Variants in TXK observed in about 807,000 individuals in gnomAD.
TXK encodes the protein tyrosine-protein kinase TXK.
A neutral mutation model predicts 81.0 loss-of-function variants in TXK; 60 were observed. That is an observed-to-expected ratio of 0.74 (90% CI 0.60 to 0.92). The LOEUF (loss-of-function observed/expected upper bound fraction) is 0.92, where lower values mean the gene tolerates loss of function less well. Among genes scored for constraint, TXK ranks in the 40% least tolerant of loss-of-function variants. TXK has a pLI of 0.00. For synonymous variants in TXK, 203 were observed against 210.7 expected (o/e 0.96, Z 0.32); for missense variants, 581 against 638.3 (o/e 0.91, Z 0.97).
intron 1 of TXK, among the ~76,000 whole-genome samples, chr4:48,122,648 C>T (rs892450761): frequency 1.3e-5 from 2 of 152,112 alleles, no homozygotes; most frequent in Non-Finnish European, 2.9e-5. Flanking sequence ...ATTATTATAT[C>T]CCAAGAAGCT....
intron 6 of TXK, among the ~76,000 whole-genome samples, chr4:48,102,670 T>C (rs1278251840): frequency 6.6e-6 from 1 of 152,236 alleles, no homozygotes; most frequent in East Asian, 1.9e-4. Context: ...GAAAATTCAT[T>C]GCAGCACTGT....
chr4:48,095,315 C>G (rs1717940865), intron 6 of TXK, 93 bp from the exon 7 acceptor site: 2 of 912,530 alleles, frequency 2.2e-6, no homozygotes, highest in Non-Finnish European at 3.4e-6. Flanking sequence ...TATTGACTTA[C>G]CATAAATAAG....
At chr4:48,086,420 C>T in intron 10 of TXK, 46 bp downstream of exon 10, 1 of 1,596,112 alleles carries the variant, frequency 6.3e-7, no homozygotes, top group Non-Finnish European at 8.6e-7. Flanking sequence ...GTTTCCATGA[C>T]ACCAGGGCAT....
At chr4:48,069,136 GA>G (rs974928132) in intron 14 of TXK, among the ~76,000 whole-genome samples, 1 of 151,980 alleles carries the variant, frequency 6.6e-6, no homozygotes, top group Admixed American at 6.6e-5. Context: ...CCCATCTCTA[GA>G]AAAAATTTTA....
rs1051133030 is a variant in TXK at position 48,122,898 on chromosome 4, G to C, written c.17-8496C>G. On this transcript the variant is annotated intron_variant, in intron 1 of 14. Coordinates refer to ENST00000264316, the MANE Select transcript of TXK (RefSeq NM_003328.3). Reference sequence around the variant, plus strand: ...AGTCATAAAAGTCCTTGAAATAAAGGAAGATAAGACCTTGGGAGTCTATGT... The same window carrying C: ...AGTCATAAAAGTCCTTGAAATAAAGCAAGATAAGACCTTGGGAGTCTATGT... 5.9e-5 allele frequency among the ~76,000 whole-genome samples: 9 copies of C among 152,344 alleles called. No individual in the cohort carries two copies. The South Asian group carries it at 6.2e-4, about 11-fold the overall frequency.
At chr4:48,114,644 CTG>C (rs1399152993) in intron 1 of TXK, 1 of 518,742 alleles carries the variant, frequency 1.9e-6, no homozygotes, top group Non-Finnish European at 3.5e-6. Context: ...TTTCCTCAGT[CTG>C]TGAGTGATAA....
intron 12 of TXK, among the ~76,000 whole-genome samples, chr4:48,074,579 C>A (rs2109399988): frequency 6.6e-6 from 1 of 152,056 alleles, no homozygotes; most frequent in Non-Finnish European, 1.5e-5. Context: ...ACTAGAATGG[C>A]CCTATATGGA....
chr4:48,129,548 T>G (rs149169619), intron 1 of TXK, among the ~76,000 whole-genome samples: 1 of 152,016 alleles, frequency 6.6e-6, no homozygotes, highest in Non-Finnish European at 1.5e-5. Flanking sequence ...GCAAGCTGGA[T>G]GGAGTCCCGG....
At chr4:48,098,938 AC>A (rs1369084614) in intron 6 of TXK, among the ~76,000 whole-genome samples, 1 of 111,402 alleles carries the variant, frequency 9.0e-6, no homozygotes, top group Non-Finnish European at 1.8e-5. Context: ...CAAAAAACAA[AC>A]ATACAAACAA....
rs371470996 is a variant in TXK, at chr4:48,124,384, T to C, written c.16+9771A>G. Among the ~76,000 whole-genome samples, 7 of 152,218 alleles carry C rather than the reference T, an allele frequency of 4.6e-5. No individual in the cohort carries two copies. The East Asian group carries it at 7.7e-4, about 17-fold the overall frequency. ...ACCCCAGTGGAGACACTGGACCAGA[T>C]TGTAAGCTTCTCAATCTCAGGGACT... On this transcript the variant is annotated intron_variant, in intron 1 of 14. Transcript: ENST00000264316.
intron 11 of TXK, among the ~76,000 whole-genome samples, chr4:48,077,712 T>G (rs1411358563): frequency 6.6e-6 from 1 of 152,046 alleles, no homozygotes. Flanking sequence ...CGAGGGAATG[T>G]GACTTTAGGG....
chr4:48,124,158 A>G (rs2109483951), intron 1 of TXK, among the ~76,000 whole-genome samples: 1 of 152,184 alleles, frequency 6.6e-6, no homozygotes, highest in East Asian at 1.9e-4. Flanking sequence ...ACCACTATCA[A>G]CATTTTAGAC....
Position 48,107,508 on chromosome 4 carries a change from A to G in TXK, c.447-2553T>C, listed in dbSNP as rs1436120233. ...CCTGTTTTCTTCCACAGCGTCCAAT[A>G]CTGTTCCTTCAAAACACTACAGTTT... is the stretch of plus-strand genomic sequence containing the variant. On this transcript the variant is annotated intron_variant, in intron 5 of 14. Transcript: ENST00000264316. Among the ~76,000 whole-genome samples, 4 of 151,620 alleles carry G rather than the reference A, an allele frequency of 2.6e-5. No individual in the cohort carries two copies. The East Asian group carries it at 7.8e-4, about 29-fold the overall frequency.
chr4:48,082,280 G>A (rs1490343915), intron 10 of TXK, among the ~76,000 whole-genome samples: 1 of 152,162 alleles, frequency 6.6e-6, no homozygotes, highest in Non-Finnish European at 1.5e-5. Flanking sequence ...TGGGAAGAGG[G>A]AGTTGGACAT....
chr4:48,127,927 G>A (rs1280540423), intron 1 of TXK, among the ~76,000 whole-genome samples: 3 of 152,114 alleles, frequency 2.0e-5, no homozygotes, highest in Non-Finnish European at 2.9e-5. Flanking sequence ...GCAACAGCTG[G>A]GCTGATTGGG....
At chr4:48,107,530 GTTTA>G (rs1560356634) in intron 5 of TXK, among the ~76,000 whole-genome samples, 2 of 151,884 alleles carry the variant, frequency 1.3e-5, no homozygotes, top group African/African-American at 4.8e-5. Context: ...AAACACTACA[GTTTA>G]TTTTATTTTT....
intron 6 of TXK, among the ~76,000 whole-genome samples, chr4:48,104,582 T>TTA (rs1179957716): frequency 1.7e-5 from 1 of 59,208 alleles, no homozygotes. Context: ...AATATATATA[T>TTA]TATATATATA....
Position 48,067,323 on chromosome 4 carries a change from G to A in TXK, c.*314C>T, listed in dbSNP as rs1716643546. 1 of 253,822 alleles carries A rather than the reference G, an allele frequency of 3.9e-6. No homozygotes were observed. The highest frequency in any genetic ancestry group is 7.7e-6 in the Non-Finnish European group (1 of 129,830). 15.7% of individuals were successfully genotyped at this position (253,822 alleles called of 1,614,324 possible). ...CAGCCTTGTGAAGAAGAACCTCAAG[G>A]GTTCCTGGGGCTATGATCATGAAGA... On this transcript the variant is annotated 3_prime_UTR_variant, in exon 15 of 15. Transcript: ENST00000264316.
intron 1 of TXK, among the ~76,000 whole-genome samples, chr4:48,130,178 G>T (rs537001942): frequency 6.6e-6 from 1 of 152,212 alleles, no homozygotes; most frequent in African/African-American, 2.4e-5. Context: ...GGCCAAAGTG[G>T]CCAAGTTCTT....
Sources: gnomAD v4.1 joint callset for allele counts (sites outside exome capture counted in the v4.1 genomes callset) on GRCh38, gnomAD v4.1.1 for gene constraint, MANE v1.5 for transcripts, NCBI Gene and HGNC (gene_info 2026-07-23, HGNC 2026-07-21) for gene names.